Variants in PLA2G1B observed in about 807,000 individuals in gnomAD.
PLA2G1B encodes the protein phospholipase A2.
PLA2G1B carries 12 observed loss-of-function variants against 12.5 expected under a neutral mutation model. The ratio of observed to expected loss-of-function variants is 0.96; its 90% CI spans 0.62 to 1.56. The LOEUF (loss-of-function observed/expected upper bound fraction) is 1.56, where lower values mean the gene tolerates loss of function less well. PLA2G1B is among the 40% of genes most tolerant of loss of function. The pLI is 0.00. For missense variants in PLA2G1B, 189 were observed against 186.7 expected (o/e 1.01, Z -0.07); for synonymous variants, 81 against 73.4 (o/e 1.10, Z -0.53).
chr12:120,325,605 G>A (rs1368519342), intron 2 of PLA2G1B, among the ~76,000 whole-genome samples: 1 of 152,196 alleles, frequency 6.6e-6, no homozygotes, highest in Non-Finnish European at 1.5e-5. Flanking sequence ...TTGCTGTGAT[G>A]TTTACTGTTG....
chr12:120,322,394 G>T, intron 3 of PLA2G1B, 77 bp from the exon 4 acceptor site: 1 of 1,380,288 alleles, frequency 7.2e-7, no homozygotes, highest in Non-Finnish European at 1.0e-6. Context: ...AGAATTAACT[G>T]GAATAAGCTG....
In PLA2G1B at chr12:120,322,125, A is replaced by C. The variant is rs987670816; in HGVS notation, c.*68T>G. On this transcript the variant is annotated 3_prime_UTR_variant, in exon 4 of 4. Transcript: ENST00000308366. ...ATATCCAAACATGAGGTCTTTCAAC[A>C]AGGTGCTTTATTGGAGAGTACAGTG... is the stretch of plus-strand genomic sequence containing the variant. 2.0e-5 allele frequency: 30 copies of C among 1,495,452 alleles called. No individual in the cohort carries two copies. Among genetic ancestry groups the C allele is most frequent in the Non-Finnish European group, 2.7e-5 (29 of 1,094,138 alleles). The allele number at this position is 1,495,452 out of a possible 1,614,324, so 92.6% of individuals were successfully genotyped here.
rs994780453 is a variant in PLA2G1B at position 120,324,881 on chromosome 12, C to G, written c.322+53G>C. ...GGCTGTTGTTACTATTATTTCCCCC[C>G]GGCCTACTGAGAACCAACTAGAATT... On this transcript the variant is annotated intron_variant, in intron 3 of 3. Transcript: ENST00000308366. 2.5e-6 allele frequency: 4 copies of G among 1,588,712 alleles called. No individual in the cohort carries two copies. The African/African-American group carries it at 4.0e-5, about 16-fold the overall frequency.
chr12:120,324,827 C>A (rs1873305473), intron 3 of PLA2G1B, 107 bp downstream of exon 3: 3 of 1,206,670 alleles, frequency 2.5e-6, no homozygotes, highest in Non-Finnish European at 3.6e-6. Context: ...AGACACTGCC[C>A]AGAACCAAGA....
chr12:120,325,440 T>TCCG (rs1261446261), intron 2 of PLA2G1B, among the ~76,000 whole-genome samples: 1 of 152,102 alleles, frequency 6.6e-6, no homozygotes, highest in Non-Finnish European at 1.5e-5. Context: ...CCTCAAGTGA[T>TCCG]CCGCCCGCCT....
chr12:120,325,165 G>A, intron 2 of PLA2G1B, 104 bp from the exon 3 acceptor site: 1 of 1,094,644 alleles, frequency 9.1e-7, no homozygotes, highest in Non-Finnish European at 1.4e-6. Context: ...TCGCCAAGAT[G>A]CTTCAGGAGA....
chr12:120,326,995 T>C (rs1193241843), intron 1 of PLA2G1B, among the ~76,000 whole-genome samples: 1 of 149,816 alleles, frequency 6.7e-6, no homozygotes, highest in Non-Finnish European at 1.5e-5. Flanking sequence ...TAATAATAAA[T>C]GTGATAAGTA....
intron 3 of PLA2G1B, 52 bp downstream of exon 3, chr12:120,324,882 G>C (rs974209671): frequency 2.5e-6 from 4 of 1,590,920 alleles, no homozygotes; most frequent in African/African-American, 1.3e-5. Context: ...ATTTCCCCCC[G>C]GCCTACTGAG....
At chr12:120,326,919 C>G (rs552495027) in intron 1 of PLA2G1B, among the ~76,000 whole-genome samples, 1 of 151,692 alleles carries the variant, frequency 6.6e-6, no homozygotes, top group African/African-American at 2.4e-5. Context: ...TGCAGTGAGC[C>G]GAGATCGCAC....
chr12:120,326,103 G>T, intron 1 of PLA2G1B, 83 bp from the exon 2 acceptor site: 1 of 1,464,036 alleles, frequency 6.8e-7, no homozygotes, highest in Non-Finnish European at 9.4e-7. Context: ...CGGGTCCCAC[G>T]CTGCCTCCCT....
intron 1 of PLA2G1B, among the ~76,000 whole-genome samples, chr12:120,326,344 GT>G (rs35592348): frequency 3.0e-4 from 38 of 127,568 alleles, no homozygotes; most frequent in East Asian, 1.1e-3. Flanking sequence ...AGGCCTGATA[GT>G]TTTTTTTTTT....
chr12:120,326,133 C>G, intron 1 of PLA2G1B, 113 bp from the exon 2 acceptor site: 1 of 1,075,468 alleles, frequency 9.3e-7, no homozygotes, highest in Non-Finnish European at 1.4e-6. Context: ...CAGCTGCCTC[C>G]TCTGAAGACC....
chr12:120,327,251 C>T (rs918136753), intron 1 of PLA2G1B, among the ~76,000 whole-genome samples: 1 of 151,992 alleles, frequency 6.6e-6, no homozygotes, highest in Non-Finnish European at 1.5e-5. Context: ...TCTGAGATCA[C>T]GCCACCGCAC....
At chr12:120,323,882 C>A (rs1873285494) in intron 3 of PLA2G1B, among the ~76,000 whole-genome samples, 2 of 152,084 alleles carry the variant, frequency 1.3e-5, no homozygotes. Flanking sequence ...TGTATTTATT[C>A]TGCAAAGTTG....
In PLA2G1B at chr12:120,324,929, C is replaced by G. The variant is rs778444606; in HGVS notation, c.322+5G>C. 2 of 1,614,036 alleles carry G rather than the reference C, an allele frequency of 1.2e-6. No individual in the cohort carries two copies. The highest frequency in any genetic ancestry group is 1.7e-6 in the Non-Finnish European group (2 of 1,179,946). ...ATTCATAGGTCAAGGAAGGGATAAA[C>G]CTACTGCTACAGGTGATTGCCGAGC... On this transcript the variant is annotated splice_donor_5th_base_variant and intron_variant, in intron 3 of 3. Coordinates refer to ENST00000308366, the MANE Select transcript of PLA2G1B (RefSeq NM_000928.3).
rs754536921 is a variant in PLA2G1B at position 120,325,820 on chromosome 12, C to G, written c.194+41G>C. 15 of 1,604,760 alleles carry G rather than the reference C, an allele frequency of 9.3e-6. No homozygotes were observed. The South Asian group carries it at 1.7e-4, about 18-fold the overall frequency. ...TCCTTGGCGTGTGCCCCACCCCGCC[C>G]CCGGCAGGCACTCCAATTTTCCTGC... is the stretch of plus-strand genomic sequence containing the variant. On this transcript the variant is annotated intron_variant, in intron 2 of 3. Transcript: ENST00000308366.
rs368190336 is a variant in PLA2G1B, at chr12:120,323,651, A to AGT, written c.322+1281_322+1282dup. On this transcript the variant is annotated intron_variant, in intron 3 of 3. Transcript: ENST00000308366. ...AAACATTAAAAAAAAACTGTGTGTG[A>AGT]GTGTGTGTGTGTGTGTGTATTTCTC... Among the ~76,000 whole-genome samples the AGT allele has an allele frequency of 5.0e-3, 758 of 150,352 alleles. 2 individuals carry two copies. The highest frequency in any genetic ancestry group is 0.013 in the African/African-American group (551 of 41,070).
intron 3 of PLA2G1B, among the ~76,000 whole-genome samples, chr12:120,322,652 T>A (rs1183167824): frequency 6.6e-6 from 1 of 152,178 alleles, no homozygotes; most frequent in African/African-American, 2.4e-5. Context: ...AGTGGCGTGA[T>A]CTCAGCTCAC....
At chr12:120,324,354 A>G (rs188363216) in intron 3 of PLA2G1B, among the ~76,000 whole-genome samples, 2 of 152,208 alleles carry the variant, frequency 1.3e-5, no homozygotes, top group Admixed American at 1.3e-4. Flanking sequence ...CTTACATTCT[A>G]TTGGAAAGAT....
Sources: gnomAD v4.1 joint callset for allele counts (sites outside exome capture counted in the v4.1 genomes callset) on GRCh38, gnomAD v4.1.1 for gene constraint, MANE v1.5 for transcripts, NCBI Gene and HGNC (gene_info 2026-07-23, HGNC 2026-07-21) for gene names.